CNTN5: variants seen among roughly 807,000 people sequenced by gnomAD.
CNTN5 encodes contactin-5.
CNTN5 carries 77 observed loss-of-function variants against 129.1 expected under a neutral mutation model. The ratio of observed to expected loss-of-function variants is 0.60; its 90% confidence interval spans 0.50 to 0.72. CNTN5 has a LOEUF of 0.72. Among genes scored for constraint, CNTN5 ranks in the 30% least tolerant of loss-of-function variants. The probability of loss-of-function intolerance (pLI) is 0.00; values close to 1 mark genes in which losing one functional copy is unlikely to be tolerated. For missense variants in CNTN5, 1,478 were observed against 1,328.8 expected, an observed-to-expected ratio of 1.11 and a Z score of -1.75; for synonymous variants, 509 against 465.6, an observed-to-expected ratio of 1.09 and a Z score of -1.20.
intron 1 of CNTN5, among the ~76,000 whole-genome samples, chr11:99,106,521 G>T (rs1047139726): frequency 6.6e-6 from 1 of 151,874 alleles, no homozygotes; most frequent in Non-Finnish European, 1.5e-5. Flanking sequence ...TCTTAAGAGT[G>T]ATATTCAGAT....
At chr11:99,106,694 G>A (rs1176263843) in intron 1 of CNTN5, among the ~76,000 whole-genome samples, 2 of 151,896 alleles carry the variant, frequency 1.3e-5, no homozygotes, top group Non-Finnish European at 2.9e-5. Flanking sequence ...TTATCTTTAA[G>A]TCATTTCACT....
intron 1 of CNTN5, among the ~76,000 whole-genome samples, chr11:99,247,817 T>G (rs1334899926): frequency 1.3e-5 from 2 of 152,170 alleles, no homozygotes; most frequent in Non-Finnish European, 2.9e-5. Context: ...CTGCATGGTA[T>G]TCCATGGTGT....
chr11:99,133,314 T>C (rs543351683), intron 1 of CNTN5, among the ~76,000 whole-genome samples: 41 of 151,932 alleles, frequency 2.7e-4, no homozygotes, highest in Non-Finnish European at 5.9e-4. Flanking sequence ...AGAAGAAATT[T>C]TGGGCAATAC....
At chr11:100,007,341 T>C (rs1477116153) in intron 9 of CNTN5, among the ~76,000 whole-genome samples, 1 of 152,148 alleles carries the variant, frequency 6.6e-6, no homozygotes, top group Non-Finnish European at 1.5e-5. Flanking sequence ...AGACACTGAC[T>C]TGTTTTTAGC....
chr11:100,280,039 A>T (rs1240862334), intron 18 of CNTN5, among the ~76,000 whole-genome samples: 1 of 150,536 alleles, frequency 6.6e-6, no homozygotes, highest in African/African-American at 2.4e-5. Context: ...AAATTTTTCA[A>T]TTCCCTTCTT....
At position 100,146,734 on chromosome 11, in the gene CNTN5, T is replaced by G. The variant is rs569926509; in HGVS notation, c.1581-44392T>G. Among the ~76,000 whole-genome samples the G allele has an allele frequency of 2.0e-5, 3 of 152,270 alleles. No homozygotes were observed. In the South Asian group the frequency reaches 6.2e-4, roughly 32 times the overall value. Reference sequence around the variant, plus strand: ...GCATTTTATACACAAGATAAATTCATTTTTTCCTAATAATTTTTACCTTTA... The same window carrying G: ...GCATTTTATACACAAGATAAATTCAGTTTTTCCTAATAATTTTTACCTTTA... On this transcript the variant is annotated intron_variant, in intron 13 of 24. Transcript: ENST00000524871.
At chr11:99,084,062 C>A (rs1259425393) in intron 1 of CNTN5, among the ~76,000 whole-genome samples, 2 of 152,172 alleles carry the variant, frequency 1.3e-5, no homozygotes, top group Non-Finnish European at 2.9e-5. Context: ...GTGCTTGAAA[C>A]CCTTACTGAA....
rs181508459 is a variant in CNTN5 at position 99,324,839 on chromosome 11, C to T, written c.-209-507C>T. ...TGTATTTTTAGTAGAGACGGGGTTT[C>T]ACCGTGTTAGCCAGGATGGTCTCGA... is the stretch of plus-strand genomic sequence containing the variant. On this transcript the variant is annotated intron_variant, in intron 1 of 24. Transcript: ENST00000524871. Among the ~76,000 whole-genome samples, 776 of 152,230 alleles carry T rather than the reference C, an allele frequency of 5.1e-3. 4 individuals carry two copies. Among genetic ancestry groups the T allele is most frequent in the Non-Finnish European group, 9.0e-3 (609 of 68,008 alleles).
intron 2 of CNTN5, among the ~76,000 whole-genome samples, chr11:99,494,152 A>G (rs113881786): frequency 0.029 from 4,414 of 152,252 alleles, 85 homozygotes; most frequent in Middle Eastern, 0.065. Context: ...TCTCCCCTGG[A>G]TCTGATGGAA....
chr11:99,701,793 G>C (rs1415288122), intron 3 of CNTN5, among the ~76,000 whole-genome samples: 1 of 151,066 alleles, frequency 6.6e-6, no homozygotes, highest in Non-Finnish European at 1.5e-5. Flanking sequence ...CACAAAGTCT[G>C]TTAGAGTAAC....
At chr11:100,339,164 T>C (rs952574382) in intron 21 of CNTN5, among the ~76,000 whole-genome samples, 1 of 152,074 alleles carries the variant, frequency 6.6e-6, no homozygotes, top group Non-Finnish European at 1.5e-5. Flanking sequence ...AGTTGACCCC[T>C]TGCCTCATCA....
chr11:100,240,591 T>G (rs1248094167), intron 16 of CNTN5, among the ~76,000 whole-genome samples: 4 of 152,220 alleles, frequency 2.6e-5, no homozygotes, highest in Admixed American at 2.0e-4. Context: ...TAGTTAAATA[T>G]AAAATTAATG....
At chr11:99,757,572 C>G (rs905071851) in intron 3 of CNTN5, among the ~76,000 whole-genome samples, 4 of 152,064 alleles carry the variant, frequency 2.6e-5, no homozygotes, top group Admixed American at 6.6e-5. Flanking sequence ...GTGCCCCACC[C>G]TAAGTAAGTA....
At chr11:99,781,978 G>C (rs956275394) in intron 3 of CNTN5, among the ~76,000 whole-genome samples, 1 of 151,570 alleles carries the variant, frequency 6.6e-6, no homozygotes, top group African/African-American at 2.4e-5. Context: ...TCTGGCCAGG[G>C]CAATTAGGCA....
chr11:99,771,034 T>C (rs1171896109), intron 3 of CNTN5, among the ~76,000 whole-genome samples: 2 of 152,036 alleles, frequency 1.3e-5, no homozygotes, highest in Admixed American at 1.3e-4. Flanking sequence ...ATGAAGAATA[T>C]AGAATGGAGA....
At position 99,736,055 on chromosome 11, in the gene CNTN5, CCT is replaced by C. The variant is rs936244909; in HGVS notation, c.56-83480_56-83479del. On this transcript the variant is annotated intron_variant, in intron 3 of 24. Transcript: ENST00000524871. Reference sequence around the variant, plus strand: ...TTCTTTTTCTTTCTCTTTCTCTGTCCCTCTCTCTCTTTCTTTTTCATATTTAA... The same window carrying C: ...TTCTTTTTCTTTCTCTTTCTCTGTCCCTCTCTCTTTCTTTTTCATATTTAA... Among the ~76,000 whole-genome samples, 4 of 150,330 alleles carry C rather than the reference CCT, an allele frequency of 2.7e-5. No homozygotes were observed. The East Asian group carries it at 7.8e-4, about 29-fold the overall frequency.
chr11:100,272,568 G>C (rs1950425964), intron 18 of CNTN5, among the ~76,000 whole-genome samples: 2 of 152,018 alleles, frequency 1.3e-5, no homozygotes, highest in Non-Finnish European at 2.9e-5. Flanking sequence ...TGGCCCACTA[G>C]ACTCAAGACA....
chr11:99,781,495 C>A (rs1945308996), intron 3 of CNTN5, among the ~76,000 whole-genome samples: 1 of 151,990 alleles, frequency 6.6e-6, no homozygotes, highest in Admixed American at 6.6e-5. Flanking sequence ...GTCTTCTTAA[C>A]CCCTTATCTT....
intron 15 of CNTN5, among the ~76,000 whole-genome samples, chr11:100,212,408 A>G (rs1173644151): frequency 6.6e-6 from 1 of 152,174 alleles, no homozygotes; most frequent in African/African-American, 2.4e-5. Context: ...TATATCAACA[A>G]TTTCCTTTCT....
Sources: allele counts gnomAD v4.1 joint callset (sites outside exome capture counted in the v4.1 genomes callset), GRCh38; gene constraint gnomAD v4.1.1; transcripts MANE v1.5; gene names NCBI Gene and HGNC (gene_info 2026-07-23, HGNC 2026-07-21).